The following SEMA5A variants were observed in gnomAD, a reference collection of about 807,000 sequenced individuals.
The protein encoded by SEMA5A is semaphorin 5A.
A neutral mutation model predicts 135.5 loss-of-function variants in SEMA5A; 55 were observed. The ratio of observed to expected loss-of-function variants is 0.41; its 90% CI spans 0.33 to 0.51. The LOEUF (loss-of-function observed/expected upper bound fraction) is 0.51, where lower values mean the gene tolerates loss of function less well. Among genes scored for constraint, SEMA5A ranks in the 20% least tolerant of loss-of-function variants. The pLI is 0.37. For synonymous variants in SEMA5A, 580 were observed against 546.5 expected, an observed-to-expected ratio of 1.06 and a Z score of -0.85; for missense variants, 1,290 against 1,419.9, an observed-to-expected ratio of 0.91 and a Z score of 1.47.
chr5:9,189,810 A>C (rs1472435491), intron 11 of SEMA5A, among the ~76,000 whole-genome samples: 1 of 152,248 alleles, frequency 6.6e-6, no homozygotes, highest in Non-Finnish European at 1.5e-5. Context: ...TTATGCCCCA[A>C]AACATATTCT....
At chr5:9,103,633 C>T (rs1242860887) in intron 16 of SEMA5A, among the ~76,000 whole-genome samples, 1 of 152,164 alleles carries the variant, frequency 6.6e-6, no homozygotes, top group Non-Finnish European at 1.5e-5. Context: ...AAATATAGTG[C>T]TGCCAAATAC....
intron 12 of SEMA5A, among the ~76,000 whole-genome samples, chr5:9,142,867 A>G (rs552528692): frequency 6.6e-6 from 1 of 152,306 alleles, no homozygotes; most frequent in South Asian, 2.1e-4. Context: ...CAGGAGAATC[A>G]CTTGAACCTC....
intron 13 of SEMA5A, among the ~76,000 whole-genome samples, chr5:9,125,293 G>T (rs140404737): frequency 1.3e-5 from 2 of 152,126 alleles, no homozygotes; most frequent in African/African-American, 2.4e-5. Context: ...CAAAACGGAC[G>T]GAATGGAGCT....
intron 5 of SEMA5A, among the ~76,000 whole-genome samples, chr5:9,299,684 C>A (rs1309565881): frequency 6.6e-6 from 1 of 152,198 alleles, no homozygotes; most frequent in African/African-American, 2.4e-5. Context: ...AAACACCTGT[C>A]ATTTGAACAG....
chr5:9,060,491 A>G (rs1336840935), intron 18 of SEMA5A, among the ~76,000 whole-genome samples: 1 of 152,120 alleles, frequency 6.6e-6, no homozygotes, highest in Non-Finnish European at 1.5e-5. Flanking sequence ...GTTCCAGTTT[A>G]TAGCATGGAC....
chr5:9,418,911 T>A (rs1757371924), intron 2 of SEMA5A, among the ~76,000 whole-genome samples: 1 of 152,228 alleles, frequency 6.6e-6, no homozygotes, highest in East Asian at 1.9e-4. Context: ...GCTTTCAGGT[T>A]GATGTGTTCT....
chr5:9,318,925 A>T (rs914873470), intron 4 of SEMA5A, among the ~76,000 whole-genome samples: 1 of 152,190 alleles, frequency 6.6e-6, no homozygotes, highest in African/African-American at 2.4e-5. Flanking sequence ...TGGGCCCGGC[A>T]TGGTGGTTCA....
chr5:9,297,931 AG>A, intron 5 of SEMA5A, among the ~76,000 whole-genome samples: 1 of 152,258 alleles, frequency 6.6e-6, no homozygotes, highest in South Asian at 2.1e-4. Flanking sequence ...TTGGGAAAAC[AG>A]CCTATATAAA....
intron 1 of SEMA5A, among the ~76,000 whole-genome samples, chr5:9,471,476 C>T (rs1391141523): frequency 6.6e-6 from 1 of 152,118 alleles, no homozygotes; most frequent in East Asian, 1.9e-4. Context: ...CCTACCAATA[C>T]ATAATCCACC....
chr5:9,450,395 T>C (rs1229833810), intron 1 of SEMA5A, among the ~76,000 whole-genome samples: 1 of 152,234 alleles, frequency 6.6e-6, no homozygotes, highest in East Asian at 1.9e-4. Context: ...TATACATTGT[T>C]CCAGTATCTG....
In SEMA5A at chr5:9,038,544, C is replaced by T. The variant is rs1471220850; in HGVS notation, c.*4353G>A. 6.6e-6 allele frequency: 1 copy of T among 152,120 alleles called. No homozygotes were observed. The highest frequency in any genetic ancestry group is 6.5e-5 in the Admixed American group (1 of 15,270). 9.4% of individuals were successfully genotyped at this position (152,120 alleles called of 1,614,324 possible). ...ATTTATTCTAAAAGCAAAAGGAACACTGCAAATAAGCAAATGAATATTTGT... is the reference window on the plus strand; with the variant it reads ...ATTTATTCTAAAAGCAAAAGGAACATTGCAAATAAGCAAATGAATATTTGT... On this transcript the variant is annotated 3_prime_UTR_variant, in exon 23 of 23. Coordinates refer to ENST00000382496, the MANE Select transcript of SEMA5A (RefSeq NM_003966.3).
At chr5:9,421,470 G>T (rs17258015) in intron 2 of SEMA5A, among the ~76,000 whole-genome samples, 1 of 151,888 alleles carries the variant, frequency 6.6e-6, no homozygotes, top group Non-Finnish European at 1.5e-5. Context: ...ATGTATGCTG[G>T]TATTTTTATT....
intron 2 of SEMA5A, among the ~76,000 whole-genome samples, chr5:9,409,082 G>T (rs1757009393): frequency 6.6e-6 from 1 of 152,158 alleles, no homozygotes; most frequent in Non-Finnish European, 1.5e-5. Flanking sequence ...TTAGTTGGCA[G>T]CAGAGTTGAA....
At chr5:9,427,320 A>T (rs1427138007) in intron 2 of SEMA5A, among the ~76,000 whole-genome samples, 2 of 152,098 alleles carry the variant, frequency 1.3e-5, no homozygotes, top group African/African-American at 4.8e-5. Context: ...GGGGGGGAAA[A>T]AGATGAAATC....
At chr5:9,333,577 C>T (rs139295346) in intron 4 of SEMA5A, among the ~76,000 whole-genome samples, 205 of 152,338 alleles carry the variant, frequency 1.3e-3, no homozygotes, top group African/African-American at 4.6e-3. Flanking sequence ...GAAACTTACA[C>T]TTGTATCAAG....
At chr5:9,358,918 AT>A (rs1470259183) in intron 3 of SEMA5A, among the ~76,000 whole-genome samples, 1 of 150,252 alleles carries the variant, frequency 6.7e-6, no homozygotes, top group Non-Finnish European at 1.5e-5. Context: ...TTCTCTCAAA[AT>A]TTTTTGATTC....
At chr5:9,207,761 T>A (rs556894570) in intron 8 of SEMA5A, among the ~76,000 whole-genome samples, 180 of 152,310 alleles carry the variant, frequency 1.2e-3, no homozygotes, top group African/African-American at 4.1e-3. Context: ...TAAAAGCGGA[T>A]AACTTAAAAT....
intron 15 of SEMA5A, among the ~76,000 whole-genome samples, chr5:9,109,027 AATTTTTTTTTTTT>A (rs1740084668): frequency 1.7e-5 from 2 of 118,954 alleles, no homozygotes; most frequent in Admixed American, 1.9e-4. Context: ...ATTTCTCTTC[AATTTTTTTTTTTT>A]TTTTTTTTTT....
intron 3 of SEMA5A, chr5:9,367,345 T>G (rs149711279): frequency 6.6e-6 from 1 of 152,086 alleles, no homozygotes; most frequent in African/African-American, 2.4e-5. Context: ...TTTCTAATTG[T>G]AGGAACAGGA....
Sources: allele counts gnomAD v4.1 joint callset (sites outside exome capture counted in the v4.1 genomes callset), GRCh38; gene constraint gnomAD v4.1.1; transcripts MANE v1.5; gene names NCBI Gene and HGNC (gene_info 2026-07-23, HGNC 2026-07-21).